ZFHX3: variants seen among roughly 807,000 people sequenced by gnomAD.
ZFHX3 encodes the protein zinc finger homeobox 3.
ZFHX3 carries 42 observed loss-of-function variants against 279.1 expected under a neutral mutation model. The ratio of observed to expected loss-of-function variants is 0.15; its 90% confidence interval spans 0.12 to 0.19. The LOEUF (loss-of-function observed/expected upper bound fraction) is 0.19, where lower values mean the gene tolerates loss of function less well. Ranked by LOEUF, ZFHX3 falls within the 10% of genes least tolerant of loss-of-function variation. The pLI is 1.00. For missense variants in ZFHX3, 4,981 were observed against 4,754.0 expected, an observed-to-expected ratio of 1.05 and a Z score of -1.40; for synonymous variants, 2,293 against 1,957.8, an observed-to-expected ratio of 1.17 and a Z score of -4.52.
intron 4 of ZFHX3, among the ~76,000 whole-genome samples, chr16:73,259,930 T>A (rs2013770660): frequency 6.6e-6 from 1 of 152,230 alleles, no homozygotes; most frequent in Admixed American, 6.5e-5. Flanking sequence ...CTAATTTGTA[T>A]ATCTTATCCA....
intron 3 of ZFHX3, among the ~76,000 whole-genome samples, chr16:73,345,987 C>T (rs1028737076): frequency 6.6e-6 from 1 of 152,112 alleles, no homozygotes; most frequent in South Asian, 2.1e-4. Flanking sequence ...ACCTTCTGGG[C>T]TATGTATTAT....
intron 1 of ZFHX3, among the ~76,000 whole-genome samples, chr16:73,772,263 C>T (rs1348018824): frequency 3.9e-5 from 6 of 152,212 alleles, no homozygotes; most frequent in Admixed American, 1.3e-4. Context: ...ATTGGACTCA[C>T]AGTTCCACAT....
At position 72,793,213 on chromosome 16, in the gene ZFHX3, C is replaced by A. The variant is rs989806817; in HGVS notation, c.9427+42G>T. ...TCCACATAACAGAATGCTGACTGGG[C>A]AGCTATTTAGCCCTGAAACAATCGC... On this transcript the variant is annotated intron_variant, in intron 9 of 9. Coordinates refer to ENST00000268489, the MANE Select transcript of ZFHX3 (RefSeq NM_006885.4). This position sits in a 1 kb window ranked among gnomAD's most constrained non-coding sequence, Gnocchi z 4.3. 7.7e-6 allele frequency: 12 copies of A among 1,554,608 alleles called. No individual in the cohort carries two copies. In the African/African-American group the frequency reaches 1.4e-4, roughly 18 times the overall value.
At position 73,643,447 on chromosome 16, in the gene ZFHX3, G is replaced by T. The variant is rs556802243; in HGVS notation, c.-1547+36733C>A. On this transcript the variant is annotated intron_variant, in intron 2 of 17. Transcript: ENST00000641206. ...TTTAATAAATGAACCAGAATCTGAT[G>T]CACAAAATTATTTTACCTACTGATG... is the stretch of plus-strand genomic sequence containing the variant. Among the ~76,000 whole-genome samples the T allele has an allele frequency of 3.5e-4, 54 of 152,288 alleles. No homozygotes were observed. The South Asian group carries it at 5.8e-3, about 16-fold the overall frequency.
At chr16:73,072,726 G>A (rs1965840142) in intron 8 of ZFHX3, among the ~76,000 whole-genome samples, 2 of 152,070 alleles carry the variant, frequency 1.3e-5, no homozygotes, top group South Asian at 4.2e-4. Flanking sequence ...CACCATGCCA[G>A]GCTAATTTGT....
chr16:73,865,097 G>A (rs1276834290), intron 1 of ZFHX3, among the ~76,000 whole-genome samples: 1 of 152,138 alleles, frequency 6.6e-6, no homozygotes, highest in Non-Finnish European at 1.5e-5. Context: ...GACAGACCTG[G>A]GCATCACAGC....
chr16:73,616,298 G>C (rs948544591), intron 2 of ZFHX3, among the ~76,000 whole-genome samples: 23 of 149,942 alleles, frequency 1.5e-4, no homozygotes, highest in Admixed American at 6.0e-4. Flanking sequence ...TAAAATCACG[G>C]TAATTGATCA....
At chr16:73,744,738 C>A (rs1485437087) in intron 1 of ZFHX3, among the ~76,000 whole-genome samples, 1 of 152,144 alleles carries the variant, frequency 6.6e-6, no homozygotes, top group Non-Finnish European at 1.5e-5. Flanking sequence ...CAAGACCAGT[C>A]GATATTTCTG....
chr16:73,734,761 C>T (rs1282652420), intron 1 of ZFHX3, among the ~76,000 whole-genome samples: 2 of 151,964 alleles, frequency 1.3e-5, no homozygotes, highest in African/African-American at 4.8e-5. Flanking sequence ...TGAAAAAATG[C>T]TTTCTAAAGA....
At position 73,819,554 on chromosome 16, in the gene ZFHX3, G is replaced by T. The variant is rs568584955; in HGVS notation, c.-1608+72097C>A. On this transcript the variant is annotated intron_variant, in intron 1 of 17. Coordinates refer to the ZFHX3 transcript ENST00000641206. ...ATGTACAACTTTGGGCCACTTTGTG[G>T]TCTAATATTGAACAATGTGGCTGTA... Among the ~76,000 whole-genome samples the T allele has an allele frequency of 1.7e-3, 263 of 152,218 alleles. 1 individual carries two copies. The highest frequency in any genetic ancestry group is 6.0e-3 in the African/African-American group (251 of 41,530).
chr16:73,717,062 G>A (rs1316260887), intron 1 of ZFHX3, among the ~76,000 whole-genome samples: 1 of 152,106 alleles, frequency 6.6e-6, no homozygotes, highest in African/African-American at 2.4e-5. Flanking sequence ...AAGAAGAAAA[G>A]GAAATTTGCA....
chr16:73,431,497 C>T (rs138921364), intron 3 of ZFHX3, among the ~76,000 whole-genome samples: 34 of 152,262 alleles, frequency 2.2e-4, no homozygotes, highest in African/African-American at 7.5e-4. Context: ...GCCAAGATCA[C>T]ACCACTGCAT....
chr16:73,245,479 T>C (rs1478780731), intron 5 of ZFHX3, among the ~76,000 whole-genome samples: 1 of 152,162 alleles, frequency 6.6e-6, no homozygotes, highest in Non-Finnish European at 1.5e-5. Flanking sequence ...CAGCAGACAC[T>C]CAATCCAGGC....
chr16:73,331,248 G>A (rs1037565132), intron 3 of ZFHX3, among the ~76,000 whole-genome samples: 13 of 152,078 alleles, frequency 8.5e-5, no homozygotes, highest in African/African-American at 2.9e-4. Context: ...TGGAGGAACC[G>A]CCCCCATAAT....
At chr16:72,951,024 T>G in intron 2 of ZFHX3, 59 bp from the exon 3 acceptor site, 1 of 1,568,600 alleles carries the variant, frequency 6.4e-7, no homozygotes, top group South Asian at 1.2e-5. Context: ...CGGCCACAGC[T>G]GAGGCACCCC....
intron 2 of ZFHX3, among the ~76,000 whole-genome samples, chr16:73,489,291 A>G (rs1451156916): frequency 6.6e-6 from 1 of 152,160 alleles, no homozygotes; most frequent in Non-Finnish European, 1.5e-5. Context: ...TTGGATCTTT[A>G]TTTTTATCCC....
intron 2 of ZFHX3, among the ~76,000 whole-genome samples, chr16:73,529,577 T>G (rs1458966731): frequency 2.0e-5 from 3 of 152,206 alleles, no homozygotes; most frequent in Non-Finnish European, 4.4e-5. Flanking sequence ...GTAGGCTTGA[T>G]GAAACTACTC....
At chr16:73,023,826 G>C (rs1482413558) in intron 1 of ZFHX3, among the ~76,000 whole-genome samples, 1 of 152,180 alleles carries the variant, frequency 6.6e-6, no homozygotes, top group African/African-American at 2.4e-5. Flanking sequence ...CACGACGTCA[G>C]CCCAAAGGCC....
chr16:73,329,781 G>A lies in ZFHX3; in HGVS notation c.-1290-11445C>T, dbSNP rs535295738. 2.6e-5 allele frequency among the ~76,000 whole-genome samples: 4 copies of A among 152,276 alleles called. No homozygotes were observed. In the South Asian group the frequency reaches 6.2e-4, roughly 24 times the overall value. The stretch of plus-strand genomic sequence containing the variant: ...GGCACCAAGGAACAAAGGCCTTCCC[G>A]GCCTTGTTTACATATCGAACAATAA... On this transcript the variant is annotated intron_variant, in intron 3 of 17. Coordinates refer to the ZFHX3 transcript ENST00000641206.
Sources: allele counts gnomAD v4.1 joint callset (sites outside exome capture counted in the v4.1 genomes callset), GRCh38; gene constraint gnomAD v4.1.1; non-coding constraint Gnocchi (gnomAD v3.1); transcripts MANE v1.5; gene names NCBI Gene and HGNC (gene_info 2026-07-23, HGNC 2026-07-21).